TANC1: variants seen among roughly 807,000 people sequenced by gnomAD.
TANC1 encodes protein TANC1.
Under a neutral mutation model 149.7 loss-of-function variants are expected in TANC1, and 77 were observed. That is an observed-to-expected ratio of 0.51 (90% CI 0.43 to 0.62). The LOEUF is 0.62. TANC1 is among the 20% of genes least tolerant of loss of function. The pLI is 0.00. For synonymous variants in TANC1, 854 were observed against 925.0 expected (o/e 0.92, Z 1.39); for missense variants, 1,985 against 2,321.8 (o/e 0.85, Z 2.98).
rs150259923 is a variant in TANC1, at chr2:159,119,850, G to C, written c.260-16344G>C. 3.6e-3 allele frequency among the ~76,000 whole-genome samples: 545 copies of C among 152,286 alleles called. 3 individuals carry two copies. The highest frequency in any genetic ancestry group is 3.0e-3 in the Non-Finnish European group (207 of 68,026). On this transcript the variant is annotated intron_variant, in intron 4 of 26. Transcript: ENST00000263635. The stretch of plus-strand genomic sequence containing the variant: ...GATAATGGCTGAGCCCCCAAATATG[G>C]CTTTGCTGCTGCGCTTGATGTTTGC...
chr2:159,161,326 C>G (rs1306783291), intron 7 of TANC1, among the ~76,000 whole-genome samples: 3 of 152,184 alleles, frequency 2.0e-5, no homozygotes. Context: ...AAACAAATCC[C>G]CTATCTCCCT....
intron 1 of TANC1, among the ~76,000 whole-genome samples, chr2:158,991,257 G>A (rs200285466): frequency 6.6e-6 from 1 of 151,912 alleles, no homozygotes; most frequent in African/African-American, 2.4e-5. Flanking sequence ...AAAATACAAG[G>A]AAAAATAATA....
At chr2:159,120,361 AT>A (rs1003755362) in intron 4 of TANC1, among the ~76,000 whole-genome samples, 21 of 151,068 alleles carry the variant, frequency 1.4e-4, no homozygotes, top group Non-Finnish European at 2.2e-4. Context: ...TAGTTTGTTT[AT>A]TTTTTTTTAA....
rs2052500281 is a variant in TANC1 at position 159,149,230 on chromosome 2, A to C, written c.453A>C (p.Pro151=). The stretch of plus-strand genomic sequence containing the variant: ...GATTTTTACTGGGAGAAGGGATCCC[A>C]AGTGCCACACACATAACCATTGAAG... ...RLGFLLGEGI[P]SATHITIEDK... The change falls in exon 6 of 27, where the codon CCA becomes CCC. Residue 151 remains proline, a synonymous_variant. Transcript: ENST00000263635. 3.1e-6 allele frequency: 5 copies of C among 1,614,188 alleles called. No individual in the cohort carries two copies. The highest frequency in any genetic ancestry group is 2.5e-6 in the Non-Finnish European group (3 of 1,180,018).
intron 2 of TANC1, among the ~76,000 whole-genome samples, chr2:159,061,898 G>C (rs1423430554): frequency 6.6e-6 from 1 of 152,170 alleles, no homozygotes; most frequent in Non-Finnish European, 1.5e-5. Context: ...CAGAACTTGA[G>C]GGATTGTTTG....
At chr2:159,083,865 C>A (rs1211624823) in intron 3 of TANC1, among the ~76,000 whole-genome samples, 1 of 151,560 alleles carries the variant, frequency 6.6e-6, no homozygotes, top group African/African-American at 2.4e-5. Context: ...GTTTGGAAAA[C>A]TGAGCAGTGA....
intron 2 of TANC1, among the ~76,000 whole-genome samples, chr2:159,051,167 T>A (rs1248695558): frequency 6.6e-6 from 1 of 152,202 alleles, no homozygotes; most frequent in Admixed American, 6.5e-5. Context: ...GGGTTCTAAT[T>A]GGGCTGTTTT....
Position 159,149,237 on chromosome 2 carries a change from A to G in TANC1, c.460A>G (p.Thr154Ala), listed in dbSNP as rs907114049. 3.1e-6 allele frequency: 5 copies of G among 1,614,096 alleles called. No individual in the cohort carries two copies. The highest frequency in any genetic ancestry group is 1.3e-5 in the African/African-American group (1 of 74,950). Reference sequence around the variant, plus strand: ...ACTGGGAGAAGGGATCCCAAGTGCCACACACATAACCATTGAAGACAAAAA... The same window carrying G: ...ACTGGGAGAAGGGATCCCAAGTGCCGCACACATAACCATTGAAGACAAAAA... Reference protein sequence around the residue: ...FLLGEGIPSATHITIEDKNET... With the variant: ...FLLGEGIPSAAHITIEDKNET... Residue 154 changes from threonine (T) to alanine (A), a missense_variant, in exon 6 of 27, where the codon ACA becomes GCA. By Grantham distance (58) the Thr-to-Ala change is moderately conservative (BLOSUM62 0). Coordinates refer to ENST00000263635, the MANE Select transcript of TANC1 (RefSeq NM_033394.3).
At chr2:159,119,004 T>C (rs264591) in intron 4 of TANC1, among the ~76,000 whole-genome samples, 64,623 of 152,048 alleles carry the variant, frequency 0.43, 14,057 homozygotes, top group Admixed American at 0.53. Context: ...CTGTTAATCA[T>C]GTATTTTCTG....
chr2:159,072,352 T>C (rs1384169079), intron 3 of TANC1, among the ~76,000 whole-genome samples: 1 of 152,206 alleles, frequency 6.6e-6, no homozygotes, highest in Non-Finnish European at 1.5e-5. Flanking sequence ...AGATTTTCTT[T>C]GTTGTCCCTC....
chr2:159,039,039 G>T lies in TANC1; in HGVS notation c.-15-26857G>T, dbSNP rs187928969. Among the ~76,000 whole-genome samples the T allele has an allele frequency of 3.5e-4, 53 of 152,244 alleles. No individual in the cohort carries two copies. In the East Asian group the frequency reaches 9.3e-3, roughly 27 times the overall value. On this transcript the variant is annotated intron_variant, in intron 2 of 26. Coordinates refer to ENST00000263635, the MANE Select transcript of TANC1 (RefSeq NM_033394.3). Reference sequence around the variant, plus strand: ...GCCTCAATTTCATAGTCTGTTATTGGTCTATTCAGGGACTCAACTTCTTCC... The same window carrying T: ...GCCTCAATTTCATAGTCTGTTATTGTTCTATTCAGGGACTCAACTTCTTCC...
chr2:159,112,405 T>G (rs925453217), intron 4 of TANC1, among the ~76,000 whole-genome samples: 1 of 151,892 alleles, frequency 6.6e-6, no homozygotes, highest in Non-Finnish European at 1.5e-5. Context: ...ATGGGCAGAT[T>G]CCACCACATG....
At chr2:159,072,565 A>G (rs2043246554) in intron 3 of TANC1, among the ~76,000 whole-genome samples, 1 of 152,232 alleles carries the variant, frequency 6.6e-6, no homozygotes, top group Admixed American at 6.5e-5. Flanking sequence ...GGCCTCTGCT[A>G]GATATCCAGT....
intron 4 of TANC1, among the ~76,000 whole-genome samples, chr2:159,117,867 T>C (rs1013406129): frequency 4.6e-5 from 7 of 152,056 alleles, no homozygotes; most frequent in Non-Finnish European, 1.0e-4. Flanking sequence ...CTTGGCAGTT[T>C]TGGGGAGTGC....
At position 159,230,051 on chromosome 2, in the gene TANC1, C is replaced by G; in HGVS notation, c.4625C>G (p.Ser1542Cys). The change falls in exon 27 of 27, where the codon TCT becomes TGT. Residue 1542 changes from serine (S) to cysteine (C), a missense_variant. By Grantham distance (112) the Ser-to-Cys change is moderately radical. Coordinates refer to ENST00000263635, the MANE Select transcript of TANC1 (RefSeq NM_033394.3). The surrounding 1 kb of genome is among the most constrained non-coding windows in gnomAD (Gnocchi z 4.4). ...GTGAAAACCAGCCAGCACCTGGGCT[C>G]TGGCCAGTCGGCAGTGAGAAATGGC... is the stretch of plus-strand genomic sequence containing the variant. ...QIVKTSQHLG[S>C]GQSAVRNGSM... 1 of 1,614,080 alleles carries G rather than the reference C, an allele frequency of 6.2e-7. No homozygotes were observed. The highest frequency in any genetic ancestry group is 1.3e-5 in the African/African-American group (1 of 75,072).
intron 4 of TANC1, among the ~76,000 whole-genome samples, chr2:159,132,258 T>C (rs1011045240): frequency 1.3e-5 from 2 of 152,224 alleles, no homozygotes; most frequent in Non-Finnish European, 2.9e-5. Flanking sequence ...CTTTGCCTTG[T>C]GTGACCACTG....
At chr2:159,040,218 A>T (rs1191651640) in intron 2 of TANC1, among the ~76,000 whole-genome samples, 1 of 151,952 alleles carries the variant, frequency 6.6e-6, no homozygotes, top group Non-Finnish European at 1.5e-5. Context: ...ATCTTCCTCC[A>T]TCCCTTTATT....
chr2:159,196,468 G>A (rs940055256), intron 17 of TANC1, 140 bp from the exon 18 acceptor site: 9 of 650,006 alleles, frequency 1.4e-5, no homozygotes, highest in Non-Finnish European at 2.3e-5. Context: ...AAGGTTCCAT[G>A]TTCTCCAGAA....
chr2:159,229,928 C>G lies in TANC1; in HGVS notation c.4502C>G (p.Pro1501Arg). ...GAAGGGTTACAGTCCAAAGGAAGGC[C>G]GGTATCGCCACAGAGCAGGGCAGGA... ...LQEGLQSKGR[P>R]VSPQSRAGIG... is the part of the protein sequence containing the mutation. The change falls in exon 27 of 27, where the codon CCG (proline) becomes CGG (arginine). Residue 1501 changes from proline (P) to arginine (R), a missense_variant. Physicochemically the swap from Pro to Arg is moderately radical, Grantham distance 103 (BLOSUM62 -2). This residue lies in a region of TANC1 where 920 missense variants were observed against 994.7 expected (regional missense o/e 0.92). Transcript: ENST00000263635. 3 of 1,614,044 alleles carry G rather than the reference C, an allele frequency of 1.9e-6. No homozygotes were observed. Among genetic ancestry groups the G allele is most frequent in the Non-Finnish European group, 2.5e-6 (3 of 1,180,034 alleles).
Sources: gnomAD v4.1 joint callset for allele counts (sites outside exome capture counted in the v4.1 genomes callset) on GRCh38, gnomAD v4.1.1 for gene constraint, gnomAD v4.1.1 regional missense constraint, Gnocchi (gnomAD v3.1) non-coding constraint, MANE v1.5 for transcripts, NCBI Gene and HGNC (gene_info 2026-07-23, HGNC 2026-07-21) for gene names.